PPFIA2: variants seen among roughly 807,000 people sequenced by gnomAD.
PPFIA2 encodes PPFI scaffold protein A2, also known as liprin-alpha-2.
Under a neutral mutation model 175.5 loss-of-function variants are expected in PPFIA2, and 46 were observed. That is an observed-to-expected ratio of 0.26 (90% CI 0.21 to 0.34). The LOEUF (loss-of-function observed/expected upper bound fraction) is 0.34. PPFIA2 is among the 10% of genes least tolerant of loss of function. PPFIA2 has a pLI of 1.00. For missense variants in PPFIA2, 1,179 were observed against 1,506.1 expected (o/e 0.78, Z 3.60); for synonymous variants, 568 against 511.4 (o/e 1.11, Z -1.49).
chr12:81,426,470 G>A (rs1301847875), intron 7 of PPFIA2, among the ~76,000 whole-genome samples: 2 of 152,198 alleles, frequency 1.3e-5, no homozygotes, highest in East Asian at 3.9e-4. Flanking sequence ...GGTATCAGAA[G>A]TGAGGGAGGT....
chr12:81,491,172 T>C (rs1555425917), intron 4 of PPFIA2, among the ~76,000 whole-genome samples: 1 of 151,098 alleles, frequency 6.6e-6, no homozygotes, highest in Non-Finnish European at 1.5e-5. Context: ...TCTCATGTTT[T>C]AAGACAGTTA....
At chr12:81,604,401 ATAAAAT>A (rs1372474573) in intron 4 of PPFIA2, among the ~76,000 whole-genome samples, 6 of 151,676 alleles carry the variant, frequency 4.0e-5, no homozygotes, top group Non-Finnish European at 8.9e-5. Context: ...ATAAAATCAA[ATAAAAT>A]TAGAACATTC....
rs181167805 is a variant in PPFIA2, at chr12:81,438,296, C to T, written c.645+1676G>A. ...CAGCCTGACCAACATGGTGAAACCC[C>T]GTCTCTACTAAAAATACAAAAATTA... On this transcript the variant is annotated intron_variant, in intron 7 of 32. Coordinates refer to ENST00000549396, the MANE Select transcript of PPFIA2 (RefSeq NM_003625.5). 7.9e-5 allele frequency among the ~76,000 whole-genome samples: 12 copies of T among 152,088 alleles called. No individual in the cohort carries two copies. The East Asian group carries it at 2.1e-3, about 27-fold the overall frequency.
chr12:81,512,226 C>G (rs1344762148), intron 4 of PPFIA2: 2 of 925,250 alleles, frequency 2.2e-6, no homozygotes, highest in Admixed American at 4.8e-5. Context: ...AGTCCCTTAA[C>G]GGCTCCCTAA....
chr12:81,697,519 A>G (rs2076027580), intron 3 of PPFIA2, among the ~76,000 whole-genome samples: 1 of 152,130 alleles, frequency 6.6e-6, no homozygotes, highest in Admixed American at 6.6e-5. Context: ...CAGCTAAAAA[A>G]TCTATACAGG....
intron 21 of PPFIA2, among the ~76,000 whole-genome samples, chr12:81,329,770 G>T (rs2055702230): frequency 6.6e-6 from 1 of 152,170 alleles, no homozygotes; most frequent in Admixed American, 6.5e-5. Context: ...TGTTTGGCTG[G>T]ATCGGGCAAC....
chr12:81,589,991 C>A (rs2058487704), intron 4 of PPFIA2, among the ~76,000 whole-genome samples: 1 of 152,060 alleles, frequency 6.6e-6, no homozygotes, highest in African/African-American at 2.4e-5. Context: ...AGGTTGCATA[C>A]TTTATTTTTA....
chr12:81,565,715 G>A (rs745673291), intron 4 of PPFIA2, among the ~76,000 whole-genome samples: 146 of 152,204 alleles, frequency 9.6e-4, no homozygotes, highest in South Asian at 1.0e-3. Flanking sequence ...TCCTCAAATA[G>A]ATATTACTTA....
intron 4 of PPFIA2, among the ~76,000 whole-genome samples, chr12:81,671,436 G>C (rs1490116400): frequency 6.6e-6 from 1 of 151,704 alleles, no homozygotes; most frequent in African/African-American, 2.4e-5. Context: ...ATAATCTAGG[G>C]AGACAGACAA....
chr12:81,304,327 C>T (rs2048610371), intron 22 of PPFIA2, among the ~76,000 whole-genome samples: 1 of 152,146 alleles, frequency 6.6e-6, no homozygotes, highest in Non-Finnish European at 1.5e-5. Context: ...TTTGTATAGA[C>T]CTACTATATG....
At chr12:81,419,113 T>G (rs2045825657) in intron 7 of PPFIA2, among the ~76,000 whole-genome samples, 1 of 152,030 alleles carries the variant, frequency 6.6e-6, no homozygotes, top group Non-Finnish European at 1.5e-5. Context: ...AGTTTATTCT[T>G]TGGTTACTGA....
At chr12:81,588,191 A>T (rs907237005) in intron 4 of PPFIA2, among the ~76,000 whole-genome samples, 1 of 151,884 alleles carries the variant, frequency 6.6e-6, no homozygotes, top group African/African-American at 2.4e-5. Context: ...GTTGAATGGG[A>T]ATATAAGCTT....
rs1463221610 is a variant in PPFIA2 at position 81,259,630 on chromosome 12, C to CTTTA, written c.*60_*63dup. ...GCTCGTCTTCTTAGATGGTAGTGCACTTTAGGTAGAGTAGACTGAAAAGAC... is the reference window on the plus strand; with the variant it reads ...GCTCGTCTTCTTAGATGGTAGTGCACTTTATTTAGGTAGAGTAGACTGAAAAGAC... On this transcript the variant is annotated 3_prime_UTR_variant, in exon 33 of 33. Transcript: ENST00000549396. 3.9e-6 allele frequency: 6 copies of CTTTA among 1,533,886 alleles called. No individual in the cohort carries two copies. Among genetic ancestry groups the CTTTA allele is most frequent in the Admixed American group, 3.9e-5 (2 of 50,940 alleles).
intron 28 of PPFIA2, among the ~76,000 whole-genome samples, chr12:81,272,605 T>A (rs549328321): frequency 2.0e-5 from 3 of 152,322 alleles, no homozygotes; most frequent in African/African-American, 7.2e-5. Context: ...TAATAAACAC[T>A]GTCAGGGTCA....
chr12:81,749,254 G>A lies in PPFIA2; in HGVS notation c.249+4719C>T, dbSNP rs111582008. Among the ~76,000 whole-genome samples the A allele has an allele frequency of 7.2e-4, 103 of 143,986 alleles. 11 individuals carry two copies. Among genetic ancestry groups the A allele is most frequent in the Admixed American group, 1.9e-3 (26 of 13,532 alleles). The allele number at this position is 143,986 out of a possible 152,430, so 94.5% of individuals were successfully genotyped here. A position where few individuals can be genotyped will look rare whatever the true frequency, so the allele number is the denominator to read the frequency against. ...TAGTGAATCACATATCAACTTCATA[G>A]TTCAAATACTTTCAGTACTTCTATA... On this transcript the variant is annotated intron_variant, in intron 3 of 32. Coordinates refer to ENST00000549396, the MANE Select transcript of PPFIA2 (RefSeq NM_003625.5).
At chr12:81,374,891 A>C in intron 10 of PPFIA2, 123 bp from the exon 11 acceptor site, 3 of 812,870 alleles carry the variant, frequency 3.7e-6, no homozygotes, top group Non-Finnish European at 5.7e-6. Context: ...CCACACCTAA[A>C]TGTGCAAAGT....
At chr12:81,652,905 G>T (rs578073026) in intron 4 of PPFIA2, among the ~76,000 whole-genome samples, 1 of 151,994 alleles carries the variant, frequency 6.6e-6, no homozygotes, top group African/African-American at 2.4e-5. Context: ...TCTCTGTTTT[G>T]GTAAATGTCA....
chr12:81,716,286 G>A (rs932177606), intron 3 of PPFIA2, among the ~76,000 whole-genome samples: 1 of 151,614 alleles, frequency 6.6e-6, no homozygotes, highest in African/African-American at 2.4e-5. Context: ...TGTGAACAAA[G>A]AGCTGGATCA....
chr12:81,372,726 G>A (rs545525410), intron 11 of PPFIA2, among the ~76,000 whole-genome samples: 11 of 151,342 alleles, frequency 7.3e-5, no homozygotes, highest in Non-Finnish European at 1.5e-4. Context: ...ATAAAATATG[G>A]TCATAATATA....
Sources: allele counts gnomAD v4.1 joint callset (sites outside exome capture counted in the v4.1 genomes callset), GRCh38; gene constraint gnomAD v4.1.1; transcripts MANE v1.5; gene names NCBI Gene and HGNC (gene_info 2026-07-23, HGNC 2026-07-21).